Variants in CDH18 observed in about 807,000 individuals in gnomAD.
CDH18 encodes cadherin-18.
Under a neutral mutation model 67.9 loss-of-function variants are expected in CDH18, and 31 were observed. The observed-to-expected ratio is 0.46, with a 90% CI of 0.34 to 0.62. The LOEUF (loss-of-function observed/expected upper bound fraction) is 0.62, where lower values mean the gene tolerates loss of function less well. Ranked by LOEUF, CDH18 falls within the 20% of genes least tolerant of loss-of-function variation. CDH18 has a pLI of 0.01. For missense variants in CDH18, 890 were observed against 975.5 expected, an observed-to-expected ratio of 0.91 and a Z score of 1.17; for synonymous variants, 362 against 347.2, an observed-to-expected ratio of 1.04 and a Z score of -0.48.
At chr5:19,838,709 C>A (rs1402738366) in intron 3 of CDH18, 50 bp downstream of exon 3, 1 of 1,266,294 alleles carries the variant, frequency 7.9e-7, no homozygotes, top group East Asian at 2.3e-5. Context: ...GCTCATCTTA[C>A]CCCACAATTT....
At chr5:19,851,493 T>G (rs1364248550) in intron 2 of CDH18, among the ~76,000 whole-genome samples, 1 of 146,686 alleles carries the variant, frequency 6.8e-6, no homozygotes, top group African/African-American at 2.5e-5. Context: ...AATATGCATA[T>G]ATAGTCCTGG....
intron 2 of CDH18, among the ~76,000 whole-genome samples, chr5:20,236,294 C>T (rs1295605818): frequency 1.3e-5 from 2 of 150,270 alleles, no homozygotes; most frequent in African/African-American, 4.9e-5. Flanking sequence ...ATAAAAGCAG[C>T]TGGATAAAAT....
rs557288915 is a variant in CDH18, at chr5:19,545,700, C to T, written c.1254-1695G>A. On this transcript the variant is annotated intron_variant, in intron 8 of 12. Transcript: ENST00000382275. ...ACTATTTAATTGATAGGCCCCTTTACTGAGGTGGATAAAAAGAGCTGGGGA... is the reference window on the plus strand; with the variant it reads ...ACTATTTAATTGATAGGCCCCTTTATTGAGGTGGATAAAAAGAGCTGGGGA... Among the ~76,000 whole-genome samples the T allele has an allele frequency of 1.2e-3, 175 of 152,112 alleles. 1 individual carries two copies. Among genetic ancestry groups the T allele is most frequent in the African/African-American group, 4.2e-3 (173 of 41,524 alleles).
At chr5:20,282,121 G>C (rs536806124) in intron 1 of CDH18, among the ~76,000 whole-genome samples, 1 of 152,106 alleles carries the variant, frequency 6.6e-6, no homozygotes, top group African/African-American at 2.4e-5. Context: ...GGGCTGAGAC[G>C]ATGGGGTTTT....
chr5:19,588,096 T>C (rs565300558), intron 7 of CDH18, among the ~76,000 whole-genome samples: 2 of 152,054 alleles, frequency 1.3e-5, no homozygotes, highest in Non-Finnish European at 2.9e-5. Context: ...TTGCCTATTG[T>C]TGGTGTATAG....
intron 4 of CDH18, among the ~76,000 whole-genome samples, chr5:19,724,361 C>CA (rs1198499678): frequency 3.3e-5 from 5 of 152,068 alleles, no homozygotes; most frequent in Non-Finnish European, 7.4e-5. Flanking sequence ...TTTAGGGAGA[C>CA]AGACTAGAGC....
intron 5 of CDH18, among the ~76,000 whole-genome samples, chr5:19,633,000 T>C (rs965415109): frequency 2.0e-5 from 3 of 152,192 alleles, no homozygotes; most frequent in Non-Finnish European, 2.9e-5. Flanking sequence ...TGTGGTGGTG[T>C]GAGTAGTGGC....
At chr5:20,543,633 C>T (rs1459436100) in intron 1 of CDH18, among the ~76,000 whole-genome samples, 1 of 152,062 alleles carries the variant, frequency 6.6e-6, no homozygotes, top group Non-Finnish European at 1.5e-5. Context: ...ATATTTTACC[C>T]TCACCACAAT....
At chr5:19,585,804 A>G (rs994603769) in intron 7 of CDH18, among the ~76,000 whole-genome samples, 3 of 152,062 alleles carry the variant, frequency 2.0e-5, no homozygotes, top group Non-Finnish European at 2.9e-5. Flanking sequence ...TTTTCCTCCC[A>G]TATTTTTGCT....
chr5:19,818,019 T>C (rs1432123757), intron 3 of CDH18, among the ~76,000 whole-genome samples: 1 of 152,130 alleles, frequency 6.6e-6, no homozygotes, highest in East Asian at 1.9e-4. Context: ...TTCCATTTTT[T>C]TCCCAAAATT....
At chr5:19,760,974 C>CA (rs921565233) in intron 3 of CDH18, among the ~76,000 whole-genome samples, 1 of 152,018 alleles carries the variant, frequency 6.6e-6, no homozygotes, top group Admixed American at 6.6e-5. Context: ...TCATTCTGGC[C>CA]AAAAAATATT....
At chr5:20,060,421 G>A (rs1052576917) in intron 2 of CDH18, among the ~76,000 whole-genome samples, 8 of 151,982 alleles carry the variant, frequency 5.3e-5, no homozygotes, top group Middle Eastern at 6.8e-3. Flanking sequence ...CCAAGATTGC[G>A]CCACTGCACT....
chr5:20,363,441 C>T (rs1216364275), intron 1 of CDH18, among the ~76,000 whole-genome samples: 2 of 132,256 alleles, frequency 1.5e-5, no homozygotes, highest in African/African-American at 2.8e-5. Flanking sequence ...GCTGAAACTG[C>T]ACCCAGCCTG....
At chr5:19,846,718 G>A (rs182776702) in intron 2 of CDH18, among the ~76,000 whole-genome samples, 32 of 152,094 alleles carry the variant, frequency 2.1e-4, no homozygotes, top group African/African-American at 7.5e-4. Context: ...ATATACTGAG[G>A]GGTAGCTGTA....
intron 5 of CDH18, among the ~76,000 whole-genome samples, chr5:19,709,147 C>T (rs929681000): frequency 5.3e-5 from 8 of 152,026 alleles, no homozygotes; most frequent in African/African-American, 1.9e-4. Context: ...TCAACTGGCA[C>T]TTACCACTCA....
At chr5:20,410,023 G>A (rs985417856) in intron 1 of CDH18, among the ~76,000 whole-genome samples, 2 of 151,740 alleles carry the variant, frequency 1.3e-5, no homozygotes, top group East Asian at 1.9e-4. Context: ...AAAATCTATA[G>A]CAGATGGCAT....
chr5:20,408,421 TAAA>T (rs1400123996), intron 1 of CDH18, among the ~76,000 whole-genome samples: 1 of 151,710 alleles, frequency 6.6e-6, no homozygotes, highest in Non-Finnish European at 1.5e-5. Flanking sequence ...AGAGGTAAAA[TAAA>T]AAGAGATAAA....
rs1417414474 is a variant in CDH18 at position 20,006,601 on chromosome 5, T to G, written c.-517-14587A>C. Among the ~76,000 whole-genome samples the G allele has an allele frequency of 2.0e-5, 3 of 151,966 alleles. No homozygotes were observed. In the East Asian group the frequency reaches 5.8e-4, roughly 29 times the overall value. ...GCTTTTGATTTTCCGGTTTTCTACT[T>G]CTCCCTGTTTCCATATATTCCTAAA... is the stretch of plus-strand genomic sequence containing the variant. On this transcript the variant is annotated intron_variant, in intron 2 of 14. Coordinates refer to the CDH18 transcript ENST00000507958.
At chr5:20,119,541 A>G (rs774792389) in intron 2 of CDH18, among the ~76,000 whole-genome samples, 2 of 152,202 alleles carry the variant, frequency 1.3e-5, no homozygotes, top group African/African-American at 2.4e-5. Flanking sequence ...AGAAAATCTG[A>G]GAGAAAATAT....
Sources: allele counts gnomAD v4.1 joint callset (sites outside exome capture counted in the v4.1 genomes callset), GRCh38; gene constraint gnomAD v4.1.1; transcripts MANE v1.5; gene names NCBI Gene and HGNC (gene_info 2026-07-23, HGNC 2026-07-21).